Variants in PIP4K2A observed in about 807,000 individuals in gnomAD.
PIP4K2A encodes phosphatidylinositol 5-phosphate 4-kinase type-2 alpha.
PIP4K2A carries 14 observed loss-of-function variants against 42.9 expected under a neutral mutation model. The ratio of observed to expected loss-of-function variants is 0.33; its 90% CI spans 0.22 to 0.51. The LOEUF is 0.51. Ranked by LOEUF, PIP4K2A falls within the 20% of genes least tolerant of loss-of-function variation. The pLI is 0.97. For missense variants in PIP4K2A, 434 were observed against 519.8 expected (o/e 0.83, Z 1.61); for synonymous variants, 192 against 192.2 (o/e 1.00, Z 0.01).
intron 1 of PIP4K2A, among the ~76,000 whole-genome samples, chr10:22,678,321 T>C (rs920641325): frequency 6.6e-6 from 1 of 152,048 alleles, no homozygotes. Flanking sequence ...CGTGTCTTCA[T>C]GTGGTCCCTG....
At chr10:22,633,124 G>A (rs1838586028) in intron 1 of PIP4K2A, among the ~76,000 whole-genome samples, 1 of 152,244 alleles carries the variant, frequency 6.6e-6, no homozygotes, top group Non-Finnish European at 1.5e-5. Context: ...CAGAGGCTGA[G>A]TTAAGTGATG....
At chr10:22,674,467 C>G (rs962117747) in intron 1 of PIP4K2A, among the ~76,000 whole-genome samples, 1 of 148,324 alleles carries the variant, frequency 6.7e-6, no homozygotes, top group African/African-American at 2.5e-5. Flanking sequence ...TTCTCCTACT[C>G]AAAGTTAATT....
At chr10:22,663,479 G>C (rs1206828319) in intron 1 of PIP4K2A, among the ~76,000 whole-genome samples, 3 of 152,032 alleles carry the variant, frequency 2.0e-5, no homozygotes, top group Non-Finnish European at 4.4e-5. Flanking sequence ...AATTATAAAA[G>C]TAACACATGT....
In PIP4K2A at chr10:22,539,924, A is replaced by AGAGAGAGG. The variant is rs138343901; in HGVS notation, c.1140+39_1140+46dup. 3.4e-5 allele frequency: 32 copies of AGAGAGAGG among 950,278 alleles called. 1 individual carries two copies. The highest frequency in any genetic ancestry group is 3.0e-4 in the African/African-American group (17 of 56,130). 58.9% of individuals were successfully genotyped at this position (950,278 alleles called of 1,614,324 possible). A position where few individuals can be genotyped will look rare whatever the true frequency, so the allele number is the denominator to read the frequency against. ...GAGAGAGAGAGAGGGAGAGAGAGAG[A>AGAGAGAGG]GAGAGAGGGAGAGAAAGAGAGAAGG... is the stretch of plus-strand genomic sequence containing the variant. On this transcript the variant is annotated intron_variant, in intron 9 of 9. Transcript: ENST00000376573.
At chr10:22,561,419 T>C (rs142374540) in intron 6 of PIP4K2A, among the ~76,000 whole-genome samples, 1 of 152,234 alleles carries the variant, frequency 6.6e-6, no homozygotes, top group East Asian at 1.9e-4. Flanking sequence ...TAACGCTAAA[T>C]ATTTGAAATG....
intron 1 of PIP4K2A, among the ~76,000 whole-genome samples, chr10:22,639,203 A>T (rs990320391): frequency 6.6e-6 from 1 of 152,176 alleles, no homozygotes; most frequent in Non-Finnish European, 1.5e-5. Context: ...AATCCAAGGA[A>T]GCCAAGAAGG....
chr10:22,609,791 T>TG, intron 1 of PIP4K2A, 74 bp from the exon 2 acceptor site: 2 of 859,120 alleles, frequency 2.3e-6, no homozygotes, highest in Non-Finnish European at 3.7e-6. Flanking sequence ...ATGTGTACCT[T>TG]GGGAAAAAAA....
chr10:22,538,285 C>A (rs1325227292), intron 9 of PIP4K2A, among the ~76,000 whole-genome samples: 1 of 151,264 alleles, frequency 6.6e-6, no homozygotes, highest in Non-Finnish European at 1.5e-5. Flanking sequence ...TGATTTTATG[C>A]CGTGTGGCAC....
chr10:22,543,305 ACTGGCCAGAGCTCCCACTTCGCTGC>A (rs1292052846), intron 7 of PIP4K2A, among the ~76,000 whole-genome samples: 2 of 152,102 alleles, frequency 1.3e-5, no homozygotes, highest in Non-Finnish European at 1.5e-5. Flanking sequence ...AGCCCAGCAA[ACTGGCCAGAGCTCCCACTTCGCTGC>A]CTTCCCAACA....
At chr10:22,575,256 CAACT>C (rs1440260616) in intron 4 of PIP4K2A, among the ~76,000 whole-genome samples, 1 of 152,148 alleles carries the variant, frequency 6.6e-6, no homozygotes, top group Non-Finnish European at 1.5e-5. Flanking sequence ...TTTGTGCTCC[CAACT>C]GACATACAGA....
intron 7 of PIP4K2A, among the ~76,000 whole-genome samples, chr10:22,545,196 G>A (rs2130749096): frequency 6.6e-6 from 1 of 152,346 alleles, no homozygotes; most frequent in East Asian, 1.9e-4. Flanking sequence ...CCAGCAGGAA[G>A]TAACTACCAA....
chr10:22,544,846 G>A (rs13328827), intron 7 of PIP4K2A, among the ~76,000 whole-genome samples: 208 of 152,292 alleles, frequency 1.4e-3, no homozygotes, highest in African/African-American at 4.7e-3. Context: ...GGCTTCTCTG[G>A]GGGCAGGTAC....
chr10:22,687,791 T>C (rs1019885527), intron 1 of PIP4K2A, among the ~76,000 whole-genome samples: 1 of 152,206 alleles, frequency 6.6e-6, no homozygotes. Context: ...ATTGCATTTT[T>C]AAAAAATCTG....
At chr10:22,683,479 T>C (rs1839701672) in intron 1 of PIP4K2A, among the ~76,000 whole-genome samples, 2 of 152,278 alleles carry the variant, frequency 1.3e-5, no homozygotes, top group Admixed American at 1.3e-4. Context: ...TCTGATCTGT[T>C]TGCTCATCTG....
At chr10:22,709,065 G>A (rs1342770224) in intron 1 of PIP4K2A, among the ~76,000 whole-genome samples, 5 of 151,640 alleles carry the variant, frequency 3.3e-5, no homozygotes, top group African/African-American at 1.2e-4. Flanking sequence ...AGGATTACAT[G>A]CATGAGCCAC....
chr10:22,671,745 TACAC>T lies in PIP4K2A; in HGVS notation c.144+42434_144+42437del, dbSNP rs143696456. On this transcript the variant is annotated intron_variant, in intron 1 of 9. Transcript: ENST00000376573. ...TGAATTTTCTGATTTACTTGGAAAA[TACAC>T]ACACACACACACACACACACACACA... Among the ~76,000 whole-genome samples, 467 of 144,616 alleles carry T rather than the reference TACAC, an allele frequency of 3.2e-3. 4 individuals carry two copies. Among genetic ancestry groups the T allele is most frequent in the African/African-American group, 0.011 (432 of 39,660 alleles). 94.9% of individuals were successfully genotyped at this position (144,616 alleles called of 152,430 possible).
intron 4 of PIP4K2A, among the ~76,000 whole-genome samples, chr10:22,576,505 GC>G (rs1033964997): frequency 3.3e-5 from 5 of 152,260 alleles, no homozygotes; most frequent in Admixed American, 3.3e-4. Flanking sequence ...TACAGCTTTA[GC>G]CGGGGTCTCA....
intron 7 of PIP4K2A, among the ~76,000 whole-genome samples, chr10:22,545,396 A>T (rs1331858185): frequency 6.6e-6 from 1 of 152,236 alleles, no homozygotes; most frequent in Non-Finnish European, 1.5e-5. Flanking sequence ...GCCAAAGGGC[A>T]GAGAGGGAAG....
At chr10:22,567,601 G>C (rs1836875034) in intron 6 of PIP4K2A, 5 of 701,326 alleles carry the variant, frequency 7.1e-6, no homozygotes, top group Admixed American at 6.0e-5. Flanking sequence ...TCAAGAGCAA[G>C]TTGCATGTGG....
Sources: allele counts gnomAD v4.1 joint callset (sites outside exome capture counted in the v4.1 genomes callset), GRCh38; gene constraint gnomAD v4.1.1; transcripts MANE v1.5; gene names NCBI Gene and HGNC (gene_info 2026-07-23, HGNC 2026-07-21).